Variants in QTMAN observed in about 807,000 individuals in gnomAD.
QTMAN encodes the protein queuosine-tRNA mannosyltransferase.
chr2:143,950,552 A>C, the QTMAN span, among the ~76,000 whole-genome samples: 1 of 151,718 alleles, frequency 6.6e-6, no homozygotes, highest in African/African-American at 2.4e-5. Flanking sequence ...ATTTACAAAT[A>C]CTTTACCAAA....
the QTMAN span, among the ~76,000 whole-genome samples, chr2:144,153,563 T>A: frequency 7.9e-5 from 12 of 152,040 alleles, no homozygotes; most frequent in Non-Finnish European, 1.5e-4. Flanking sequence ...TGGTGGCAGG[T>A]GCCTGTAGTC....
At chr2:144,212,433 G>A in the QTMAN span, among the ~76,000 whole-genome samples, 429 of 152,212 alleles carry the variant, frequency 2.8e-3, 3 homozygotes, top group African/African-American at 9.8e-3. Context: ...TTGCACTCCA[G>A]CCTGAGCAAC....
the QTMAN span, among the ~76,000 whole-genome samples, chr2:144,328,526 T>A: frequency 1.3e-5 from 2 of 152,204 alleles, no homozygotes; most frequent in African/African-American, 4.8e-5. Context: ...TGAGACAGCA[T>A]ACCTTTGTGA....
At chr2:144,283,871 G>GA in the QTMAN span, among the ~76,000 whole-genome samples, 8 of 151,630 alleles carry the variant, frequency 5.3e-5, no homozygotes, top group South Asian at 2.1e-4. Context: ...CATACAAAAT[G>GA]AAAAAAATAA....
the QTMAN span, among the ~76,000 whole-genome samples, chr2:144,085,637 C>A: frequency 1.3e-5 from 2 of 152,164 alleles, no homozygotes; most frequent in Non-Finnish European, 2.9e-5. Context: ...ACACTTCCAC[C>A]AACCATTTCA....
the QTMAN span, among the ~76,000 whole-genome samples, chr2:144,171,658 C>A: frequency 1.3e-5 from 2 of 152,068 alleles, no homozygotes; most frequent in Non-Finnish European, 2.9e-5. Flanking sequence ...TTTTAACAAA[C>A]TGTAAATTAT....
the QTMAN span, among the ~76,000 whole-genome samples, chr2:144,329,472 C>A: frequency 6.6e-6 from 1 of 152,150 alleles, no homozygotes; most frequent in Non-Finnish European, 1.5e-5. Context: ...TGCTGAAAAA[C>A]ATATCCTTAT....
the QTMAN span, among the ~76,000 whole-genome samples, chr2:144,325,722 C>T: frequency 6.7e-6 from 1 of 149,192 alleles, no homozygotes; most frequent in African/African-American, 2.5e-5. Flanking sequence ...CACCCCCTCG[C>T]CTCTACACAT....
chr2:144,007,489 G>C, the QTMAN span: 3 of 1,607,264 alleles, frequency 1.9e-6, no homozygotes, highest in Non-Finnish European at 2.5e-6. Flanking sequence ...TTTCCTTTAA[G>C]GCCGAGCATC....
chr2:144,207,058 T>C, the QTMAN span, among the ~76,000 whole-genome samples: 1 of 152,190 alleles, frequency 6.6e-6, no homozygotes, highest in Admixed American at 6.5e-5. Flanking sequence ...ACAGCAATAG[T>C]CTTATCATTG....
chr2:144,108,147 C>T, the QTMAN span, among the ~76,000 whole-genome samples: 3 of 152,180 alleles, frequency 2.0e-5, no homozygotes, highest in Non-Finnish European at 4.4e-5. Flanking sequence ...CAGCCAATAT[C>T]ATACTGAATG....
chr2:143,991,835 A>G, the QTMAN span, among the ~76,000 whole-genome samples: 18,605 of 113,090 alleles, frequency 0.16, 2,097 homozygotes, highest in African/African-American at 0.35. Context: ...GGTGAGGGGC[A>G]CCTCTGCCCG....
At chr2:144,212,339 G>A in the QTMAN span, among the ~76,000 whole-genome samples, 2 of 152,050 alleles carry the variant, frequency 1.3e-5, no homozygotes, top group African/African-American at 2.4e-5. Flanking sequence ...AGGCATGCCC[G>A]TAATCCCAGC....
chr2:144,209,223 G>A, the QTMAN span, among the ~76,000 whole-genome samples: 3 of 152,148 alleles, frequency 2.0e-5, no homozygotes, highest in African/African-American at 2.4e-5. Context: ...TTCTAATGAC[G>A]ACTTTCACTT....
chr2:144,332,692 C>G, the QTMAN span: 4 of 152,194 alleles, frequency 2.6e-5, no homozygotes, highest in African/African-American at 7.2e-5. Flanking sequence ...CGCTCCCGCC[C>G]GCGCGAATCG....
the QTMAN span, among the ~76,000 whole-genome samples, chr2:144,202,487 C>CTA: frequency 3.9e-5 from 6 of 152,134 alleles, no homozygotes; most frequent in African/African-American, 1.4e-4. Flanking sequence ...AAGAAGTGCT[C>CTA]TAAAATCAGA....
At chr2:144,040,351 T>C in the QTMAN span, among the ~76,000 whole-genome samples, 2 of 152,028 alleles carry the variant, frequency 1.3e-5, no homozygotes, top group African/African-American at 4.8e-5. Context: ...TTGCTTCTGC[T>C]TGAGTTAACT....
At chr2:144,085,615 T>C in the QTMAN span, among the ~76,000 whole-genome samples, 2 of 152,184 alleles carry the variant, frequency 1.3e-5, no homozygotes, top group Admixed American at 6.5e-5. Context: ...ATTGAGAATC[T>C]AGACAGTGAG....
chr2:144,133,116 A>AATATATATATATAT, the QTMAN span, among the ~76,000 whole-genome samples: 34 of 41,356 alleles, frequency 8.2e-4, no homozygotes, highest in Non-Finnish European at 9.2e-4. Context: ...AATGACTGGT[A>AATATATATATATAT]ATATATATAT....
Sources: allele counts gnomAD v4.1 joint callset (sites outside exome capture counted in the v4.1 genomes callset), GRCh38; gene constraint gnomAD v4.1.1; transcripts MANE v1.5; gene names NCBI Gene and HGNC (gene_info 2026-07-23, HGNC 2026-07-21).